The following LCMT1 variants were observed in gnomAD, a reference collection of about 807,000 sequenced individuals.
The protein encoded by LCMT1 is leucine carboxyl methyltransferase 1.
In LCMT1, 32 loss-of-function variants were observed where a neutral mutation model predicts 47.7. The ratio of observed to expected loss-of-function variants is 0.67; its 90% CI spans 0.51 to 0.90. The LOEUF is 0.90. Among genes scored for constraint, LCMT1 ranks in the 40% least tolerant of loss-of-function variants. LCMT1 has a pLI of 0.00. For missense variants in LCMT1, 375 were observed against 415.2 expected (o/e 0.90, Z 0.84); for synonymous variants, 152 against 149.7 (o/e 1.02, Z -0.11).
intron 1 of LCMT1, among the ~76,000 whole-genome samples, chr16:25,126,571 C>G (rs1055444354): frequency 6.6e-6 from 1 of 152,200 alleles, no homozygotes; most frequent in Non-Finnish European, 1.5e-5. Context: ...CCTTTCTCTC[C>G]TTGTTTACCA....
intron 1 of LCMT1, chr16:25,125,838 GTAATAATAA>G (rs55788453): frequency 0.24 from 36,520 of 154,618 alleles, 4,471 homozygotes; most frequent in East Asian, 0.36. Flanking sequence ...ATCTCTAATA[GTAATAATAA>G]TAATAATAAT....
At chr16:25,169,417 A>G in intron 8 of LCMT1, 1 of 476,428 alleles carries the variant, frequency 2.1e-6, no homozygotes, top group Non-Finnish European at 3.8e-6. Context: ...ACACCCTATT[A>G]TTTTGACTTT....
At chr16:25,163,401 G>T (rs1167710584) in intron 6 of LCMT1, among the ~76,000 whole-genome samples, 1 of 151,116 alleles carries the variant, frequency 6.6e-6, no homozygotes, top group Non-Finnish European at 1.5e-5. Flanking sequence ...CCCAGGAGGC[G>T]GAAGTTGCAG....
At chr16:25,123,191 A>G (rs531409539) in intron 1 of LCMT1, among the ~76,000 whole-genome samples, 3 of 141,382 alleles carry the variant, frequency 2.1e-5, no homozygotes, top group Admixed American at 2.1e-4. Context: ...TTCCCCATTG[A>G]TTTGAGACAA....
At chr16:25,122,143 A>G (rs1011843951) in intron 1 of LCMT1, among the ~76,000 whole-genome samples, 5 of 152,204 alleles carry the variant, frequency 3.3e-5, no homozygotes, top group African/African-American at 9.7e-5. Context: ...GGTGAATGCA[A>G]TGCTAATTAT....
Position 25,164,687 on chromosome 16 carries a change from T to A in LCMT1, c.659T>A (p.Phe220Tyr), listed in dbSNP as rs758232893. ...ANLLKWAANS[F>Y]ERAMFINYEQ... ...CTCCTGAAGTGGGCAGCCAACAGTTTTGAGAGAGCCATGTTCATAAACTAC... is the reference window on the plus strand; with the variant it reads ...CTCCTGAAGTGGGCAGCCAACAGTTATGAGAGAGCCATGTTCATAAACTAC... The change falls in exon 7 of 11, where the codon TTT (phenylalanine) becomes TAT (tyrosine). Residue 220 changes from phenylalanine to tyrosine, a missense_variant. Physicochemically the swap from Phe to Tyr is conservative, Grantham distance 22 (BLOSUM62 3). Transcript: ENST00000399069. 23 of 1,614,012 alleles carry A rather than the reference T, an allele frequency of 1.4e-5. No individual in the cohort carries two copies. In the Admixed American group the frequency reaches 2.8e-4, roughly 20 times the overall value.
At chr16:25,124,904 GCA>G (rs1960115099) in intron 1 of LCMT1, among the ~76,000 whole-genome samples, 1 of 152,228 alleles carries the variant, frequency 6.6e-6, no homozygotes, top group African/African-American at 2.4e-5. Flanking sequence ...ATGTTAGGCA[GCA>G]CCTCAAACCT....
chr16:25,144,790 T>C (rs1417860667), intron 4 of LCMT1: 2 of 152,178 alleles, frequency 1.3e-5, no homozygotes, highest in Admixed American at 1.3e-4. Context: ...TCTGTGCAAC[T>C]GGATTTGTCT....
chr16:25,128,652 T>G (rs1363928881), intron 2 of LCMT1, 86 bp downstream of exon 2: 1 of 1,010,758 alleles, frequency 9.9e-7, no homozygotes. Context: ...CGTGGTGTGC[T>G]CCCTTTCCAG....
At chr16:25,166,269 C>CAA (rs371727353) in intron 7 of LCMT1, among the ~76,000 whole-genome samples, 1,677 of 96,260 alleles carry the variant, frequency 0.017, 27 homozygotes, top group Middle Eastern at 0.03. Context: ...GACGCCATCT[C>CAA]AAAAAAAAAA....
intron 4 of LCMT1, chr16:25,146,579 C>T (rs1029920345): frequency 6.6e-6 from 1 of 152,280 alleles, no homozygotes; most frequent in African/African-American, 2.4e-5. Flanking sequence ...GGTCAGTCTC[C>T]TCTTCTTACC....
intron 1 of LCMT1, among the ~76,000 whole-genome samples, chr16:25,116,085 GT>G (rs1959774901): frequency 6.6e-6 from 1 of 152,216 alleles, no homozygotes; most frequent in African/African-American, 2.4e-5. Flanking sequence ...TTTATTACTT[GT>G]TGCAAGGAGG....
chr16:25,129,426 T>A (rs1375006401), intron 2 of LCMT1, among the ~76,000 whole-genome samples: 4 of 152,244 alleles, frequency 2.6e-5, no homozygotes, highest in Admixed American at 1.3e-4. Flanking sequence ...AAAAATGGTA[T>A]CTTACTGCAA....
chr16:25,123,241 T>TC (rs1256309482), intron 1 of LCMT1, among the ~76,000 whole-genome samples: 1 of 149,352 alleles, frequency 6.7e-6, no homozygotes, highest in Non-Finnish European at 1.5e-5. Flanking sequence ...TTTTTTTTTT[T>TC]TGTGACAGAG....
At chr16:25,123,036 C>T (rs1960041307) in intron 1 of LCMT1, among the ~76,000 whole-genome samples, 1 of 151,936 alleles carries the variant, frequency 6.6e-6, no homozygotes, top group Non-Finnish European at 1.5e-5. Context: ...AGGCTATTTC[C>T]AATTATTTAA....
intron 3 of LCMT1, among the ~76,000 whole-genome samples, chr16:25,137,599 C>G (rs1367277134): frequency 3.3e-5 from 5 of 151,950 alleles, no homozygotes; most frequent in Non-Finnish European, 7.4e-5. Context: ...GTGCAAGCCA[C>G]CATGCCTGGC....
At chr16:25,158,911 G>C (rs568296757) in intron 5 of LCMT1, 9 of 152,312 alleles carry the variant, frequency 5.9e-5, no homozygotes, top group African/African-American at 1.9e-4. Context: ...TTCCCATGTG[G>C]TATACCAGTA....
In LCMT1 at chr16:25,155,109, C is replaced by T. The variant is rs1961213181; in HGVS notation, c.466+3494C>T. On this transcript the variant is annotated intron_variant, in intron 5 of 10. Transcript: ENST00000399069. ...CAGTAAGAAAGAAAAAGTGCCGACA[C>T]TTAAGCTGACACATCACCAACTGTT... Among the ~76,000 whole-genome samples, 3 of 152,274 alleles carry T rather than the reference C, an allele frequency of 2.0e-5. No homozygotes were observed. In the South Asian group the frequency reaches 6.2e-4, roughly 32 times the overall value.
intron 1 of LCMT1, chr16:25,125,906 A>T: frequency 1.2e-6 from 1 of 822,892 alleles, no homozygotes; most frequent in Non-Finnish European, 1.5e-6. Flanking sequence ...CAGTTGGTTC[A>T]CTTACTTTCC....
Sources: allele counts gnomAD v4.1 joint callset (sites outside exome capture counted in the v4.1 genomes callset), GRCh38; gene constraint gnomAD v4.1.1; transcripts MANE v1.5; gene names NCBI Gene and HGNC (gene_info 2026-07-23, HGNC 2026-07-21).